GGNBP2: variants seen among roughly 807,000 people sequenced by gnomAD.
GGNBP2 encodes the protein gametogenetin binding protein 2.
In GGNBP2, 10 loss-of-function variants were observed where a neutral mutation model predicts 85.9. The ratio of observed to expected loss-of-function variants is 0.12; its 90% CI spans 0.07 to 0.20. The LOEUF (loss-of-function observed/expected upper bound fraction) is 0.20, where lower values mean the gene tolerates loss of function less well. GGNBP2 is among the 10% of genes least tolerant of loss of function. The probability of loss-of-function intolerance (pLI) is 1.00; values close to 1 mark genes in which losing one functional copy is unlikely to be tolerated. For synonymous variants in GGNBP2, 287 were observed against 285.7 expected (o/e 1.00, Z -0.05); for missense variants, 595 against 857.8 (o/e 0.69, Z 3.83).
At chr17:36,560,996 G>A (rs2074411290) in intron 5 of GGNBP2, 125 bp downstream of exon 5, 1 of 507,988 alleles carries the variant, frequency 2.0e-6, no homozygotes, top group Admixed American at 4.0e-5. Context: ...TATGACATAG[G>A]TCAAAATAAA....
chr17:36,570,654 G>C (rs1555606641), intron 6 of GGNBP2, among the ~76,000 whole-genome samples: 1 of 152,066 alleles, frequency 6.6e-6, no homozygotes, highest in African/African-American at 2.4e-5. Context: ...AGTAAACTGA[G>C]ATCGCGCCAT....
At chr17:36,552,184 G>GTT (rs749538552) in intron 2 of GGNBP2, among the ~76,000 whole-genome samples, 9 of 152,164 alleles carry the variant, frequency 5.9e-5, no homozygotes, top group African/African-American at 1.2e-4. Context: ...ATTCTGTTGA[G>GTT]TTACATGGCT....
chr17:36,563,451 G>A (rs1330130483), intron 5 of GGNBP2, among the ~76,000 whole-genome samples: 1 of 151,904 alleles, frequency 6.6e-6, no homozygotes, highest in Non-Finnish European at 1.5e-5. Context: ...CCCAGGCTTC[G>A]TGTTACTCTA....
At chr17:36,545,450 G>T in intron 1 of GGNBP2, 169 bp from the exon 2 acceptor site, 2 of 397,692 alleles carry the variant, frequency 5.0e-6, no homozygotes, top group East Asian at 3.8e-5. Context: ...CGGCGCGAGG[G>T]GGGCGGGTCC....
At chr17:36,564,835 A>G (rs983027923) in intron 5 of GGNBP2, among the ~76,000 whole-genome samples, 2 of 150,618 alleles carry the variant, frequency 1.3e-5, no homozygotes, top group African/African-American at 4.9e-5. Context: ...ATTAGGTTTT[A>G]GCCTAATAAA....
chr17:36,551,967 C>T (rs1230714420), intron 2 of GGNBP2, among the ~76,000 whole-genome samples: 1 of 152,148 alleles, frequency 6.6e-6, no homozygotes, highest in Non-Finnish European at 1.5e-5. Flanking sequence ...GCCTAAGAAC[C>T]AGACTGGAGA....
In GGNBP2 at chr17:36,560,759, T is replaced by C. The variant is rs1477967043; in HGVS notation, c.429-14T>C. 3 of 1,349,308 alleles carry C rather than the reference T, an allele frequency of 2.2e-6. No individual in the cohort carries two copies. Among genetic ancestry groups the C allele is most frequent in the Non-Finnish European group, 3.1e-6 (3 of 963,788 alleles). 83.6% of individuals were successfully genotyped at this position (1,349,308 alleles called of 1,614,324 possible). Reference sequence around the variant, plus strand: ...AAATGAATTAAACCCTTAATATGTTTTATTTTTAATTAGGTCCAAACTAAA... The same window carrying C: ...AAATGAATTAAACCCTTAATATGTTCTATTTTTAATTAGGTCCAAACTAAA... On this transcript the variant is annotated splice_polypyrimidine_tract_variant and intron_variant, in intron 4 of 13. Transcript: ENST00000613102.
intron 5 of GGNBP2, among the ~76,000 whole-genome samples, chr17:36,562,369 A>T (rs1008108475): frequency 6.6e-6 from 1 of 151,842 alleles, no homozygotes; most frequent in East Asian, 2.0e-4. Flanking sequence ...GGGTTTCGCC[A>T]TGTTGCCCAG....
At chr17:36,576,629 G>GTGTGTATA (rs1203227585) in intron 6 of GGNBP2, 166 of 111,006 alleles carry the variant, frequency 1.5e-3, no homozygotes, top group African/African-American at 6.2e-3. Context: ...GTGTGTGTGT[G>GTGTGTATA]TATATGTATA....
chr17:36,551,317 C>T (rs1026577141), intron 2 of GGNBP2, among the ~76,000 whole-genome samples: 1 of 151,884 alleles, frequency 6.6e-6, no homozygotes, highest in Non-Finnish European at 1.5e-5. Flanking sequence ...AGTGATTCTC[C>T]TGTCTCAGCC....
intron 9 of GGNBP2, among the ~76,000 whole-genome samples, chr17:36,584,080 T>A (rs917096921): frequency 4.6e-5 from 7 of 152,252 alleles, no homozygotes; most frequent in African/African-American, 1.7e-4. Flanking sequence ...AAAATTCTGA[T>A]TGTTGTTTCA....
chr17:36,560,965 A>C, intron 5 of GGNBP2, 94 bp downstream of exon 5: 1 of 677,272 alleles, frequency 1.5e-6, no homozygotes, highest in Non-Finnish European at 2.5e-6. Context: ...GTTTGCTTTA[A>C]TTCATTAATT....
chr17:36,557,629 A>G (rs1288997513), intron 4 of GGNBP2, among the ~76,000 whole-genome samples: 2 of 152,176 alleles, frequency 1.3e-5, no homozygotes, highest in Non-Finnish European at 2.9e-5. Flanking sequence ...CCCTGATAAA[A>G]TGACATTGAA....
chr17:36,547,621 GAA>G (rs1437735821), intron 2 of GGNBP2: 1 of 152,172 alleles, frequency 6.6e-6, no homozygotes, highest in East Asian at 1.9e-4. Flanking sequence ...ATTTTCCACT[GAA>G]AAAGATGTAA....
intron 6 of GGNBP2, chr17:36,575,342 G>A (rs1599536408): frequency 5.1e-6 from 2 of 389,392 alleles, no homozygotes; most frequent in East Asian, 1.2e-4. Context: ...TTTTCTCAGA[G>A]AAGCATCTAT....
chr17:36,579,143 C>T, intron 7 of GGNBP2, 102 bp from the exon 8 acceptor site: 7 of 891,988 alleles, frequency 7.8e-6, no homozygotes, highest in Non-Finnish European at 1.1e-5. Flanking sequence ...TGTCTTGTTA[C>T]TAGGTAAGCA....
In GGNBP2 at chr17:36,589,462, G is replaced by A. The variant is rs377416696; in HGVS notation, c.*51G>A. 54 of 1,387,760 alleles carry A rather than the reference G, an allele frequency of 3.9e-5. No individual in the cohort carries two copies. The African/African-American group carries it at 6.3e-4, about 16-fold the overall frequency. 86.0% of individuals were successfully genotyped at this position (1,387,760 alleles called of 1,614,324 possible). On this transcript the variant is annotated 3_prime_UTR_variant, in exon 14 of 14. Coordinates refer to ENST00000613102, the MANE Select transcript of GGNBP2 (RefSeq NM_024835.5). ...ATGAAACACTCACGATGACTACTGC[G>A]CCTTCTCTTTCGAAAAACTCTTAAT...
At chr17:36,585,051 T>C (rs1432047599) in intron 9 of GGNBP2, among the ~76,000 whole-genome samples, 1 of 152,156 alleles carries the variant, frequency 6.6e-6, no homozygotes, top group Non-Finnish European at 1.5e-5. Context: ...AAGTGAAATA[T>C]CTTTTTGTGA....
chr17:36,587,212 C>T lies in GGNBP2; in HGVS notation c.1857C>T (p.Ser619=), dbSNP rs142994076. Residue 619 remains serine (S), a synonymous_variant, in exon 13 of 14, where the codon TCC becomes TCT. Transcript: ENST00000613102. The stretch of plus-strand genomic sequence containing the variant: ...CAGAAACGTTGTTTGGTCCCGATTC[C>T]GGAAAAGGTGCCAAGAGCTTAGTTG... ...EPTETLFGPD[S]GKGAKSLVEL... 286 of 1,614,086 alleles carry T rather than the reference C, an allele frequency of 1.8e-4. No individual in the cohort carries two copies. In the African/African-American group the frequency reaches 2.0e-3, roughly 11 times the overall value.
Sources: allele counts gnomAD v4.1 joint callset (sites outside exome capture counted in the v4.1 genomes callset), GRCh38; gene constraint gnomAD v4.1.1; transcripts MANE v1.5; gene names NCBI Gene and HGNC (gene_info 2026-07-23, HGNC 2026-07-21).